Variants in ARHGAP15 observed in about 807,000 individuals in gnomAD.
ARHGAP15 encodes rho GTPase-activating protein 15.
ARHGAP15 carries 51 observed loss-of-function variants against 63.7 expected under a neutral mutation model. The observed-to-expected ratio is 0.80, with a 90% CI of 0.64 to 1.01. ARHGAP15 has a LOEUF of 1.01. Ranked by LOEUF, ARHGAP15 falls within the 50% of genes least tolerant of loss-of-function variation. The probability of loss-of-function intolerance (pLI) is 0.00; values close to 1 mark genes in which losing one functional copy is unlikely to be tolerated. For synonymous variants in ARHGAP15, 191 were observed against 193.8 expected (o/e 0.99, Z 0.12); for missense variants, 560 against 564.6 (o/e 0.99, Z 0.08).
chr2:143,546,644 C>T (rs1038306704), intron 10 of ARHGAP15, among the ~76,000 whole-genome samples: 1 of 151,834 alleles, frequency 6.6e-6, no homozygotes, highest in Non-Finnish European at 1.5e-5. Flanking sequence ...AATGGCAGAC[C>T]AAATTAGATT....
intron 8 of ARHGAP15, among the ~76,000 whole-genome samples, chr2:143,449,464 T>G (rs1013228536): frequency 6.6e-6 from 1 of 152,116 alleles, no homozygotes; most frequent in African/African-American, 2.4e-5. Context: ...TTGCTTAAAT[T>G]TCTTTATTTT....
intron 12 of ARHGAP15, among the ~76,000 whole-genome samples, chr2:143,629,506 A>G (rs1430946478): frequency 6.6e-6 from 1 of 152,158 alleles, no homozygotes; most frequent in Non-Finnish European, 1.5e-5. Flanking sequence ...AGGTGATGCA[A>G]TCTTGTGGCT....
chr2:143,437,142 C>T, intron 8 of ARHGAP15, 100 bp downstream of exon 8: 2 of 1,329,342 alleles, frequency 1.5e-6, no homozygotes, highest in East Asian at 2.5e-5. Context: ...ACTCATCATA[C>T]TCATGGAAGA....
chr2:143,153,821 CTTCTTCTTCTTCT>C (rs1558779270), intron 1 of ARHGAP15, among the ~76,000 whole-genome samples: 70 of 86,758 alleles, frequency 8.1e-4, no homozygotes, highest in African/African-American at 2.1e-3. Context: ...TCTTCTTCTT[CTTCTTCTTCTTCT>C]TCTTCTTCTT....
chr2:143,261,909 A>T (rs1443076685), intron 6 of ARHGAP15, among the ~76,000 whole-genome samples: 1 of 152,142 alleles, frequency 6.6e-6, no homozygotes, highest in South Asian at 2.1e-4. Flanking sequence ...CCACCCAAGG[A>T]TAGACAAGAT....
At chr2:143,258,778 G>T (rs1164234451) in intron 6 of ARHGAP15, among the ~76,000 whole-genome samples, 2 of 152,244 alleles carry the variant, frequency 1.3e-5, no homozygotes, top group African/African-American at 4.8e-5. Context: ...CACATGGAGG[G>T]TTTAGATGCA....
chr2:143,220,019 A>G (rs778482321), intron 4 of ARHGAP15, among the ~76,000 whole-genome samples: 5 of 152,228 alleles, frequency 3.3e-5, no homozygotes, highest in South Asian at 2.1e-4. Flanking sequence ...TATTGTAAAT[A>G]CAAATTGAAC....
chr2:143,552,833 G>A (rs10928186), intron 10 of ARHGAP15, among the ~76,000 whole-genome samples: 43,754 of 151,914 alleles, frequency 0.29, 6,949 homozygotes, highest in African/African-American at 0.43. Context: ...CAGCATTTAC[G>A]GTCATGTTAC....
In ARHGAP15 at chr2:143,387,688, T is replaced by C. The variant is rs550586672; in HGVS notation, c.475-47913T>C. ...AGATGAAAATGAATAGAATGTATTA[T>C]TGAATCTTCCCAAAATAGAAAAAAA... On this transcript the variant is annotated intron_variant, in intron 6 of 13. Transcript: ENST00000295095. 1.6e-3 allele frequency among the ~76,000 whole-genome samples: 243 copies of C among 152,014 alleles called. 1 individual carries two copies. Among genetic ancestry groups the C allele is most frequent in the Non-Finnish European group, 2.8e-3 (193 of 67,960 alleles).
At chr2:143,179,309 A>T (rs1465813661) in intron 2 of ARHGAP15, among the ~76,000 whole-genome samples, 1 of 152,230 alleles carries the variant, frequency 6.6e-6, no homozygotes, top group Non-Finnish European at 1.5e-5. Flanking sequence ...ACTATATCAT[A>T]GAAGTCATCT....
At position 143,423,420 on chromosome 2, in the gene ARHGAP15, A is replaced by C. The variant is rs1574428071; in HGVS notation, c.475-12181A>C. On this transcript the variant is annotated intron_variant, in intron 6 of 13. Coordinates refer to ENST00000295095, the MANE Select transcript of ARHGAP15 (RefSeq NM_018460.4). The stretch of plus-strand genomic sequence containing the variant: ...ATTAACCTAAGCCAATTGAGCTATC[A>C]TTCATTCTATACCCCTTTATTGAGA... Among the ~76,000 whole-genome samples the C allele has an allele frequency of 3.9e-5, 6 of 152,270 alleles. No individual in the cohort carries two copies. In the South Asian group the frequency reaches 1.2e-3, roughly 32 times the overall value.
At chr2:143,598,449 T>TAACA (rs1443017656) in intron 11 of ARHGAP15, among the ~76,000 whole-genome samples, 5 of 152,186 alleles carry the variant, frequency 3.3e-5, no homozygotes, top group African/African-American at 4.8e-5. Context: ...CATGCTATGT[T>TAACA]ACACAGATGG....
intron 6 of ARHGAP15, among the ~76,000 whole-genome samples, chr2:143,351,987 T>G (rs978475490): frequency 6.6e-6 from 1 of 152,206 alleles, no homozygotes; most frequent in East Asian, 1.9e-4. Context: ...CTAGATACCA[T>G]TATCTTGGAC....
chr2:143,740,032 G>T (rs1027301480), intron 13 of ARHGAP15, among the ~76,000 whole-genome samples: 1 of 152,124 alleles, frequency 6.6e-6, no homozygotes, highest in Admixed American at 6.5e-5. Flanking sequence ...TTTATGCAGA[G>T]AATTTGGTTC....
chr2:143,259,509 G>C (rs903880451), intron 6 of ARHGAP15, among the ~76,000 whole-genome samples: 2 of 152,086 alleles, frequency 1.3e-5, no homozygotes, highest in African/African-American at 4.8e-5. Flanking sequence ...TATTAACATA[G>C]GAAATCTTAG....
chr2:143,211,062 G>C (rs1692540103), intron 3 of ARHGAP15, among the ~76,000 whole-genome samples: 1 of 152,130 alleles, frequency 6.6e-6, no homozygotes, highest in Non-Finnish European at 1.5e-5. Context: ...ATGATGTACA[G>C]ATAAGCTGGA....
intron 12 of ARHGAP15, among the ~76,000 whole-genome samples, chr2:143,642,389 C>A (rs1294940870): frequency 6.6e-6 from 1 of 151,960 alleles, no homozygotes; most frequent in African/African-American, 2.4e-5. Flanking sequence ...CCTGGACCCA[C>A]CCAGGTAGAT....
chr2:143,276,701 G>A (rs968881137), intron 6 of ARHGAP15, among the ~76,000 whole-genome samples: 2 of 152,118 alleles, frequency 1.3e-5, no homozygotes, highest in Non-Finnish European at 2.9e-5. Flanking sequence ...GGGAGGCTGA[G>A]GCAGGAAGGA....
chr2:143,490,830 G>C (rs1452498316), intron 9 of ARHGAP15, among the ~76,000 whole-genome samples: 1 of 152,090 alleles, frequency 6.6e-6, no homozygotes, highest in African/African-American at 2.4e-5. Flanking sequence ...GTTTTGCCAT[G>C]TTGGCCAGGC....
Sources: gnomAD v4.1 joint callset for allele counts (sites outside exome capture counted in the v4.1 genomes callset) on GRCh38, gnomAD v4.1.1 for gene constraint, MANE v1.5 for transcripts, NCBI Gene and HGNC (gene_info 2026-07-23, HGNC 2026-07-21) for gene names.